The following GOLGA5 variants were observed in gnomAD, a reference collection of about 807,000 sequenced individuals.
GOLGA5 encodes golgin subfamily A member 5.
In GOLGA5, 50 loss-of-function variants were observed where a neutral mutation model predicts 93.5. The ratio of observed to expected loss-of-function variants is 0.53; its 90% CI spans 0.43 to 0.68. The LOEUF is 0.68. GOLGA5 is among the 30% of genes least tolerant of loss of function. The pLI is 0.00. For missense variants in GOLGA5, 760 were observed against 856.4 expected (o/e 0.89, Z 1.40); for synonymous variants, 312 against 304.5 (o/e 1.02, Z -0.26).
chr14:92,796,777 C>T (rs11852221), intron 1 of GOLGA5, among the ~76,000 whole-genome samples: 67,167 of 89,968 alleles, frequency 0.75, 26,056 homozygotes, highest in African/African-American at 0.87. Flanking sequence ...GAGACCATCC[C>T]GGCTAACAAG....
intron 6 of GOLGA5, among the ~76,000 whole-genome samples, chr14:92,814,924 AT>A (rs1259946771): frequency 6.6e-6 from 1 of 152,072 alleles, no homozygotes; most frequent in Non-Finnish European, 1.5e-5. Flanking sequence ...CTTTGTCTTT[AT>A]TATTTATGAT....
At chr14:92,824,440 C>G in intron 8 of GOLGA5, 106 bp from the exon 9 acceptor site, 1 of 634,086 alleles carries the variant, frequency 1.6e-6, no homozygotes, top group Non-Finnish European at 2.9e-6. Flanking sequence ...GTTACATGTT[C>G]AGCACATACT....
intron 2 of GOLGA5, among the ~76,000 whole-genome samples, chr14:92,804,860 C>G (rs911273762): frequency 6.6e-6 from 1 of 151,592 alleles, no homozygotes; most frequent in Non-Finnish European, 1.5e-5. Flanking sequence ...GTTGGCCAGG[C>G]TGGTCTCAAA....
In GOLGA5 at chr14:92,809,295, A is replaced by T. The variant is rs141979189; in HGVS notation, c.773-5A>T. On this transcript the variant is annotated splice_polypyrimidine_tract_variant and splice_region_variant and intron_variant, in intron 3 of 12. Transcript: ENST00000163416. ...TTGTATAGAGAAATTTAAATTTTTT[A>T]ATAGAATTAAACAAAGCAAGAGCAA... is the stretch of plus-strand genomic sequence containing the variant. 1,268 of 1,588,300 alleles carry T rather than the reference A, an allele frequency of 8.0e-4. 4 individuals carry two copies. In the African/African-American group the frequency reaches 0.011, roughly 14 times the overall value.
rs1407180592 is a variant in GOLGA5, at chr14:92,797,427, C to T, written c.-11C>T. 2.5e-6 allele frequency: 4 copies of T among 1,590,338 alleles called. No individual in the cohort carries two copies. The African/African-American group carries it at 4.0e-5, about 16-fold the overall frequency. On this transcript the variant is annotated 5_prime_UTR_variant, in exon 2 of 13. Coordinates refer to ENST00000163416, the MANE Select transcript of GOLGA5 (RefSeq NM_005113.4). ...TTACAGGTTTGCCAATAGGATTATC[C>T]TGCTGCCATCATGTCTTGGTTTGTT...
At chr14:92,811,780 A>C in intron 6 of GOLGA5, 26 bp downstream of exon 6, 1 of 1,501,186 alleles carries the variant, frequency 6.7e-7, no homozygotes, top group Non-Finnish European at 9.3e-7. Flanking sequence ...ACACTTTTGG[A>C]TGTTAAGATG....
chr14:92,797,548 C>G lies in GOLGA5; in HGVS notation c.111C>G (p.Ser37Arg). The change falls in exon 2 of 13, where the codon AGC becomes AGG. Residue 37 changes from serine to arginine, a missense_variant. Physicochemically the swap from Ser to Arg is moderately radical, Grantham distance 110 (BLOSUM62 -1). Transcript: ENST00000163416. The stretch of plus-strand genomic sequence containing the variant: ...AAGACAATGCCAGCAACATATATAG[C>G]AAAAATACTGACTATACTGAACTTC... ...SRKDNASNIYSKNTDYTELHQ... is the reference protein window; with the variant it reads ...SRKDNASNIYRKNTDYTELHQ... The G allele has an allele frequency of 6.2e-7, 1 of 1,612,822 alleles. No homozygotes were observed. Among genetic ancestry groups the G allele is most frequent in the East Asian group, 2.2e-5 (1 of 44,880 alleles).
In GOLGA5 at chr14:92,806,918, C is replaced by G; in HGVS notation, c.727C>G (p.Gln243Glu). 6.2e-7 allele frequency: 1 copy of G among 1,612,720 alleles called. No individual in the cohort carries two copies. The highest frequency in any genetic ancestry group is 1.1e-5 in the South Asian group (1 of 91,046). Residue 243 changes from glutamine (Q) to glutamate (E), a missense_variant, in exon 3 of 13, where the codon CAA becomes GAA. Transcript: ENST00000163416. ...LLRNEVQSLN[Q>E]EMASLLQRSK... is the part of the protein sequence containing the mutation. ...GAGGAATGAAGTTCAGTCTTTAAATCAAGAAATGGCCTCGTTACTCCAAAG... is the reference window on the plus strand; with the variant it reads ...GAGGAATGAAGTTCAGTCTTTAAATGAAGAAATGGCCTCGTTACTCCAAAG...
intron 1 of GOLGA5, 118 bp from the exon 2 acceptor site, chr14:92,797,290 C>G (rs1366177444): frequency 2.1e-5 from 12 of 572,246 alleles, no homozygotes; most frequent in Non-Finnish European, 3.7e-5. Flanking sequence ...GGTTACCTAG[C>G]TAGTAAAAGG....
At position 92,806,823 on chromosome 14, in the gene GOLGA5, A is replaced by T; in HGVS notation, c.632A>T (p.His211Leu). 1 of 1,613,510 alleles carries T rather than the reference A, an allele frequency of 6.2e-7. No individual in the cohort carries two copies. Among genetic ancestry groups the T allele is most frequent in the Non-Finnish European group, 8.5e-7 (1 of 1,179,434 alleles). ...NVSSNAACPD[H>L]TPTPNDDGKS... ...TCATCAAATGCTGCCTGCCCTGACC[A>T]CACCCCAACACCTAATGATGATGGC... Residue 211 changes from histidine to leucine, a missense_variant, in exon 3 of 13, where the codon CAC (histidine) becomes CTC (leucine). Transcript: ENST00000163416.
chr14:92,820,295 T>C (rs1256683333), intron 8 of GOLGA5, among the ~76,000 whole-genome samples: 1 of 152,236 alleles, frequency 6.6e-6, no homozygotes, highest in African/African-American at 2.4e-5. Flanking sequence ...GTACTATGCC[T>C]GGATGTGCAC....
chr14:92,823,937 A>T (rs1885365571), intron 8 of GOLGA5, among the ~76,000 whole-genome samples: 1 of 152,058 alleles, frequency 6.6e-6, no homozygotes, highest in South Asian at 2.1e-4. Flanking sequence ...AGTATTCTTT[A>T]TATGTACTCC....
In GOLGA5 at chr14:92,817,895, C is replaced by G. The variant is rs572736696; in HGVS notation, c.1491+1474C>G. Among the ~76,000 whole-genome samples the G allele has an allele frequency of 1.9e-3, 284 of 152,236 alleles. 1 individual carries two copies. Among genetic ancestry groups the G allele is most frequent in the African/African-American group, 6.5e-3 (271 of 41,534 alleles). The stretch of plus-strand genomic sequence containing the variant: ...TAGAATGCAGGTAAACAAAGGTTCT[C>G]TTGACAATAAAGGATAATATATGAA... On this transcript the variant is annotated intron_variant, in intron 7 of 12. Transcript: ENST00000163416.
chr14:92,812,292 C>G (rs1329298254), intron 6 of GOLGA5, among the ~76,000 whole-genome samples: 2 of 152,178 alleles, frequency 1.3e-5, no homozygotes, highest in Non-Finnish European at 2.9e-5. Flanking sequence ...ATTCCATCTC[C>G]CATCTCATGT....
At chr14:92,797,073 TAAAAA>T in intron 1 of GOLGA5, among the ~76,000 whole-genome samples, 1 of 95,324 alleles carries the variant, frequency 1.0e-5, no homozygotes, top group South Asian at 3.7e-4. Flanking sequence ...TAATAAATAA[TAAAAA>T]TAGAAATAAT....
chr14:92,798,894 C>T (rs577691444), intron 2 of GOLGA5, among the ~76,000 whole-genome samples: 11 of 152,196 alleles, frequency 7.2e-5, no homozygotes, highest in Admixed American at 2.0e-4. Flanking sequence ...CCAGCCTGGG[C>T]CGTAGAATGA....
intron 2 of GOLGA5, among the ~76,000 whole-genome samples, chr14:92,803,222 A>G (rs1294110491): frequency 6.6e-6 from 1 of 152,000 alleles, no homozygotes; most frequent in Non-Finnish European, 1.5e-5. Flanking sequence ...TTTTTTGTAG[A>G]GACAAGGTCT....
intron 2 of GOLGA5, among the ~76,000 whole-genome samples, chr14:92,805,313 C>T (rs747178463): frequency 7.9e-5 from 12 of 152,048 alleles, no homozygotes; most frequent in Non-Finnish European, 1.6e-4. Flanking sequence ...GAGATTCATC[C>T]ATGTTACTGT....
intron 9 of GOLGA5, among the ~76,000 whole-genome samples, chr14:92,829,560 T>C (rs1425234661): frequency 6.6e-6 from 1 of 152,168 alleles, no homozygotes; most frequent in African/African-American, 2.4e-5. Flanking sequence ...AGCCTGAAGA[T>C]GTGGCTAAAT....
Sources: gnomAD v4.1 joint callset for allele counts (sites outside exome capture counted in the v4.1 genomes callset) on GRCh38, gnomAD v4.1.1 for gene constraint, MANE v1.5 for transcripts, NCBI Gene and HGNC (gene_info 2026-07-23, HGNC 2026-07-21) for gene names.